The following CLEC20A variants were observed in gnomAD, a reference collection of about 807,000 sequenced individuals.
The protein encoded by CLEC20A is putative C-type lectin domain family 20 member A.
At chr1:178,482,094 A>C (rs1363279389) in intron 7 of CLEC20A, 4 of 265,048 alleles carry the variant, frequency 1.5e-5, no homozygotes, top group African/African-American at 8.0e-5. Flanking sequence ...AAAAAACAAC[A>C]AAAAAAAAAA....
At chr1:178,490,909 G>A (rs1009734122) in intron 3 of CLEC20A, among the ~76,000 whole-genome samples, 2 of 152,180 alleles carry the variant, frequency 1.3e-5, no homozygotes, top group African/African-American at 4.8e-5. Flanking sequence ...TGATTTCTAG[G>A]GGCGGTGCCT....
At chr1:178,486,928 G>A (rs1484216068) in intron 5 of CLEC20A, 4 of 397,454 alleles carry the variant, frequency 1.0e-5, no homozygotes, top group African/African-American at 2.1e-5. Flanking sequence ...CGCTGGGCCC[G>A]CGGAGGCGGA....
Position 178,492,492 on chromosome 1 carries a change from G to T in CLEC20A, c.463+9C>A. On this transcript the variant is annotated intron_variant, in intron 3 of 7. Coordinates refer to ENST00000623247, the Ensembl canonical transcript of CLEC20A. ...TTCCCAGAAAAGGGAATGGGGAGCAGGTATGTACCTGGCTTTGGAGAGGTG... is the reference window on the plus strand; with the variant it reads ...TTCCCAGAAAAGGGAATGGGGAGCATGTATGTACCTGGCTTTGGAGAGGTG... 2 of 398,552 alleles carry T rather than the reference G, an allele frequency of 5.0e-6. No homozygotes were observed. Among genetic ancestry groups the T allele is most frequent in the Non-Finnish European group, 8.8e-6 (2 of 226,074 alleles). The allele number at this position is 398,552 out of a possible 1,614,324, so 24.7% of individuals were successfully genotyped here.
At chr1:178,492,060 G>A (rs1649276958) in intron 3 of CLEC20A, among the ~76,000 whole-genome samples, 1 of 152,052 alleles carries the variant, frequency 6.6e-6, no homozygotes, top group Non-Finnish European at 1.5e-5. Flanking sequence ...CAGGCAGGTG[G>A]ATCACTAGAG....
chr1:178,497,130 C>T (rs563364409), upstream of CLEC20A: 50 of 395,788 alleles, frequency 1.3e-4, no homozygotes, highest in Non-Finnish European at 1.9e-4. Flanking sequence ...TCTGTCGCTG[C>T]CAGCAGGGTG....
upstream of CLEC20A, among the ~76,000 whole-genome samples, chr1:178,498,711 A>C (rs1354571897): frequency 6.6e-6 from 1 of 152,178 alleles, no homozygotes; most frequent in Admixed American, 6.5e-5. Context: ...AACATCAAAC[A>C]TGCTGTTTAG....
At chr1:178,486,666 G>A (rs1049037767) in intron 5 of CLEC20A, 24 of 398,716 alleles carry the variant, frequency 6.0e-5, no homozygotes, top group African/African-American at 3.7e-4. Context: ...CTGGGGCATC[G>A]CGGGTGGCAT....
intron 5 of CLEC20A, 198 bp from the exon 6 acceptor site, chr1:178,483,480 A>G: frequency 2.6e-6 from 1 of 383,788 alleles, no homozygotes; most frequent in Non-Finnish European, 4.6e-6. Flanking sequence ...TTAACCCAGC[A>G]CTTGAGTTGC....
chr1:178,486,106 T>C, intron 5 of CLEC20A, among the ~76,000 whole-genome samples: 1 of 152,218 alleles, frequency 6.6e-6, no homozygotes, highest in South Asian at 2.1e-4. Context: ...TGTCAGACTC[T>C]TGCTTTTAGA....
At chr1:178,494,385 C>T (rs1649338373) in intron 2 of CLEC20A, 69 bp downstream of exon 2, 1 of 399,018 alleles carries the variant, frequency 2.5e-6, no homozygotes, top group Non-Finnish European at 4.4e-6. Context: ...CACCACTGCA[C>T]TCCAGCCTGG....
downstream of CLEC20A, chr1:178,479,131 A>T (rs74129209): frequency 7.1e-3 from 1,088 of 153,892 alleles, 14 homozygotes; most frequent in African/African-American, 0.024. Context: ...TGTGACAGGT[A>T]AAGAAAGTTT....
At chr1:178,492,419 T>A (rs1240883036) in intron 3 of CLEC20A, 82 bp downstream of exon 3, 1 of 398,316 alleles carries the variant, frequency 2.5e-6, no homozygotes, top group Non-Finnish European at 4.4e-6. Flanking sequence ...GGGGTGGAGA[T>A]CCTGCTGGCT....
At chr1:178,488,376 TA>T in intron 5 of CLEC20A, 124 bp downstream of exon 5, 1 of 396,460 alleles carries the variant, frequency 2.5e-6, no homozygotes, top group Non-Finnish European at 4.4e-6. Context: ...GCCACCCCCT[TA>T]GCTCACCCCT....
chr1:178,498,993 T>C (rs1280005206), upstream of CLEC20A, among the ~76,000 whole-genome samples: 3 of 152,194 alleles, frequency 2.0e-5, no homozygotes, highest in Non-Finnish European at 4.4e-5. Flanking sequence ...GACCACTCTC[T>C]GGGGACAGAA....
At chr1:178,488,383 C>T (rs1451674163) in intron 5 of CLEC20A, 118 bp downstream of exon 5, 1 of 396,968 alleles carries the variant, frequency 2.5e-6, no homozygotes, top group African/African-American at 2.1e-5. Context: ...CCTTAGCTCA[C>T]CCCTTTTCTA....
At chr1:178,483,569 C>G (rs1471596126) in intron 5 of CLEC20A, 2 of 260,238 alleles carry the variant, frequency 7.7e-6, no homozygotes, top group South Asian at 1.7e-4. Flanking sequence ...TTTTCCTCAT[C>G]AAATTTTTTT....
chr1:178,488,169 T>TC (rs1649192528), intron 5 of CLEC20A, among the ~76,000 whole-genome samples: 1 of 151,972 alleles, frequency 6.6e-6, no homozygotes, highest in Non-Finnish European at 1.5e-5. Context: ...CCCCTCCACC[T>TC]CCCCCAGGGC....
chr1:178,482,398 C>A lies in CLEC20A; in HGVS notation c.1037-1G>T. 2.5e-6 allele frequency: 1 copy of A among 398,560 alleles called. No homozygotes were observed. Among genetic ancestry groups the A allele is most frequent in the Non-Finnish European group, 4.4e-6 (1 of 226,056 alleles). 24.7% of individuals were successfully genotyped at this position (398,560 alleles called of 1,614,324 possible). A position where few individuals can be genotyped will look rare whatever the true frequency, so the allele number is the denominator to read the frequency against. ...GCTTTCAAGATTCCAAAAGGGTGCC[C>A]TGAAAAAGAAAGTGCTACCTGTTCA... is the stretch of plus-strand genomic sequence containing the variant. On this transcript the variant is annotated splice_acceptor_variant, in intron 6 of 7. Transcript: ENST00000623247. LOFTEE classifies it high-confidence loss of function.
intron 5 of CLEC20A, chr1:178,483,939 A>G (rs935967000): frequency 1.3e-5 from 2 of 152,212 alleles, no homozygotes; most frequent in African/African-American, 4.8e-5. Flanking sequence ...TCCCCAACCC[A>G]GGGACACCCA....
Sources: allele counts gnomAD v4.1 joint callset (sites outside exome capture counted in the v4.1 genomes callset), GRCh38; gene constraint gnomAD v4.1.1; transcripts MANE v1.5; gene names NCBI Gene and HGNC (gene_info 2026-07-23, HGNC 2026-07-21).